CUL3: variants seen among roughly 807,000 people sequenced by gnomAD.
CUL3 encodes cullin-3.
In CUL3, 19 loss-of-function variants were observed where a neutral mutation model predicts 89.1. The ratio of observed to expected loss-of-function variants is 0.21; its 90% CI spans 0.15 to 0.31. CUL3 has a LOEUF of 0.31. Ranked by LOEUF, CUL3 falls within the 10% of genes least tolerant of loss-of-function variation. The pLI is 1.00. For missense variants in CUL3, 469 were observed against 942.3 expected (o/e 0.50, Z 6.58); for synonymous variants, 351 against 308.4 (o/e 1.14, Z -1.45).
intron 13 of CUL3, among the ~76,000 whole-genome samples, chr2:224,492,457 A>G (rs539332246): frequency 6.6e-6 from 1 of 152,186 alleles, no homozygotes; most frequent in South Asian, 2.1e-4. Context: ...TAAATTTCAG[A>G]CTCATTCTCA....
At chr2:224,494,200 G>A (rs1421661917) in intron 13 of CUL3, among the ~76,000 whole-genome samples, 1 of 152,030 alleles carries the variant, frequency 6.6e-6, no homozygotes, top group Non-Finnish European at 1.5e-5. Flanking sequence ...CCTAGAACTT[G>A]CTCTTAATTT....
At chr2:224,578,888 T>TA (rs1335072820) in intron 1 of CUL3, among the ~76,000 whole-genome samples, 1 of 152,192 alleles carries the variant, frequency 6.6e-6, no homozygotes, top group Non-Finnish European at 1.5e-5. Flanking sequence ...TTTCTAGCCT[T>TA]AATCATATAA....
At chr2:224,504,906 A>AT (rs1352460392) in intron 8 of CUL3, among the ~76,000 whole-genome samples, 3 of 152,020 alleles carry the variant, frequency 2.0e-5, no homozygotes, top group Non-Finnish European at 4.4e-5. Flanking sequence ...GAGATATCAT[A>AT]TATCACAAAG....
intron 1 of CUL3, among the ~76,000 whole-genome samples, chr2:224,575,070 G>C (rs1170362599): frequency 1.3e-5 from 2 of 152,144 alleles, no homozygotes; most frequent in East Asian, 3.8e-4. Flanking sequence ...GGAAGGAGTC[G>C]AGAATGAATA....
intron 6 of CUL3, among the ~76,000 whole-genome samples, chr2:224,507,391 C>T (rs1243672634): frequency 1.3e-5 from 2 of 152,028 alleles, no homozygotes; most frequent in Non-Finnish European, 2.9e-5. Flanking sequence ...CACTACAAAA[C>T]GTCTACAAAA....
At chr2:224,552,964 T>C (rs1694571092) in intron 2 of CUL3, among the ~76,000 whole-genome samples, 1 of 152,214 alleles carries the variant, frequency 6.6e-6, no homozygotes, top group African/African-American at 2.4e-5. Flanking sequence ...AGTCAAAAGA[T>C]GCAATGCAGA....
At chr2:224,474,472 C>CT (rs1163615126) in intron 15 of CUL3, 96 bp from the exon 16 acceptor site, 7 of 956,808 alleles carry the variant, frequency 7.3e-6, no homozygotes, top group Non-Finnish European at 1.1e-5. Flanking sequence ...AGAGACTGAA[C>CT]TTTACTAACT....
intron 2 of CUL3, among the ~76,000 whole-genome samples, chr2:224,540,204 G>C (rs1406432623): frequency 1.3e-5 from 2 of 151,980 alleles, no homozygotes; most frequent in East Asian, 3.9e-4. Context: ...TTACAGGTGT[G>C]CGCCACCACA....
chr2:224,505,422 C>T (rs1482671464), intron 8 of CUL3, among the ~76,000 whole-genome samples: 2 of 152,128 alleles, frequency 1.3e-5, no homozygotes, highest in South Asian at 2.1e-4. Context: ...CAGGCATGAG[C>T]CACCATACCT....
At chr2:224,524,585 T>C (rs548349933) in intron 3 of CUL3, among the ~76,000 whole-genome samples, 1 of 152,260 alleles carries the variant, frequency 6.6e-6, no homozygotes, top group Admixed American at 6.5e-5. Flanking sequence ...AGGTATGTCC[T>C]GGAAATAAAG....
intron 1 of CUL3, among the ~76,000 whole-genome samples, chr2:224,583,010 T>G (rs746182268): frequency 2.2e-4 from 34 of 152,168 alleles, no homozygotes; most frequent in Non-Finnish European, 3.8e-4. Context: ...ACTCCACATT[T>G]TAGCAAAAAA....
intron 1 of CUL3, among the ~76,000 whole-genome samples, chr2:224,568,525 G>GA (rs931445825): frequency 1.3e-5 from 2 of 152,130 alleles, no homozygotes; most frequent in African/African-American, 4.8e-5. Flanking sequence ...AATGATACAG[G>GA]AAAACGGTTG....
Position 224,481,986 on chromosome 2 carries a change from T to C in CUL3, c.1935A>G (p.Thr645=), listed in dbSNP as rs781253532. 1 of 1,607,874 alleles carries C rather than the reference T, an allele frequency of 6.2e-7. No individual in the cohort carries two copies. Among genetic ancestry groups the C allele is most frequent in the South Asian group, 1.1e-5 (1 of 89,124 alleles). ...CTATTTCCTTTGATTTGGGTTCTTT[T>C]GTAAGAACCCGCTGTGTTGGTTTAC... ...ACGKPTQRVL[T]KEPKSKEIEN... is the part of the protein sequence containing the mutation. Residue 645 remains threonine (T), a synonymous_variant, in exon 14 of 16, where the codon ACA becomes ACG. Coordinates refer to ENST00000264414, the MANE Select transcript of CUL3 (RefSeq NM_003590.5).
At position 224,578,351 on chromosome 2, in the gene CUL3, CAAT is replaced by C. The variant is rs551490380; in HGVS notation, c.66+6590_66+6592del. Among the ~76,000 whole-genome samples the C allele has an allele frequency of 2.7e-3, 409 of 152,212 alleles. 1 individual carries two copies. Among genetic ancestry groups the C allele is most frequent in the Admixed American group, 4.9e-3 (75 of 15,288 alleles). ...AGAAATTTTTTAACAGCAGCATATA[CAAT>C]GATTATCTTACCTTAATTTTACTGT... On this transcript the variant is annotated intron_variant, in intron 1 of 15. Coordinates refer to ENST00000264414, the MANE Select transcript of CUL3 (RefSeq NM_003590.5).
intron 14 of CUL3, 160 bp from the exon 15 acceptor site, chr2:224,478,505 GT>G: frequency 2.1e-6 from 1 of 477,846 alleles, no homozygotes; most frequent in Non-Finnish European, 3.5e-6. Context: ...CTGTCTTAAT[GT>G]TTACTTGAAT....
At chr2:224,539,436 C>T (rs147515049) in intron 2 of CUL3, among the ~76,000 whole-genome samples, 18 of 152,308 alleles carry the variant, frequency 1.2e-4, no homozygotes, top group African/African-American at 4.3e-4. Flanking sequence ...TATAATCTGG[C>T]AATCACACTC....
At position 224,585,017 on chromosome 2, in the gene CUL3, G is replaced by A. The variant is rs769219363; in HGVS notation, c.-8C>T. On this transcript the variant is annotated 5_prime_UTR_variant, in exon 1 of 16. In the 5' UTR this introduces an upstream ATG that the reference lacks. Transcript: ENST00000264414. ...TTTGCTCAGATTCGACATGGTGCTC[G>A]TCCCCTCCCCGGCGGCGGCTTCAGG... The A allele has an allele frequency of 2.0e-6, 3 of 1,496,766 alleles. No individual in the cohort carries two copies. Among genetic ancestry groups the A allele is most frequent in the East Asian group, 2.8e-5 (1 of 36,050 alleles). 92.7% of individuals were successfully genotyped at this position (1,496,766 alleles called of 1,614,324 possible).
At position 224,551,200 on chromosome 2, in the gene CUL3, C is replaced by T. The variant is rs1013847326; in HGVS notation, c.264+6459G>A. On this transcript the variant is annotated intron_variant, in intron 2 of 15. Transcript: ENST00000264414. ...GACTACAGGTGTGTGCCACCAAGCC[C>T]GGCAATTTTTTTTTTTTTTTTTTGA... Among the ~76,000 whole-genome samples the T allele has an allele frequency of 3.3e-5, 5 of 150,844 alleles. No individual in the cohort carries two copies. The East Asian group carries it at 9.7e-4, about 29-fold the overall frequency.
rs765838987 is a variant in CUL3, at chr2:224,478,263, T to C, written c.2112A>G (p.Glu704=). 1.2e-6 allele frequency: 2 copies of C among 1,613,804 alleles called. No homozygotes were observed. Among genetic ancestry groups the C allele is most frequent in the South Asian group, 2.2e-5 (2 of 91,030 alleles). The change falls in exon 15 of 16, where the codon GAA becomes GAG. Residue 704 remains glutamate (E), a synonymous_variant. Transcript: ENST00000264414. Reference sequence around the variant, plus strand: ...ATTTCATTATCCGCACTATAGCAGCTTCTATCTCATGTTTTCTGTCGTCGT... The same window carrying C: ...ATTTCATTATCCGCACTATAGCAGCCTCTATCTCATGTTTTCTGTCGTCGT... ...KVDDDRKHEI[E]AAIVRIMKSR...
Sources: allele counts gnomAD v4.1 joint callset (sites outside exome capture counted in the v4.1 genomes callset), GRCh38; gene constraint gnomAD v4.1.1; transcripts MANE v1.5; gene names NCBI Gene and HGNC (gene_info 2026-07-23, HGNC 2026-07-21).